TMEM9: variants seen among roughly 807,000 people sequenced by gnomAD.
TMEM9 encodes transmembrane protein 9.
In TMEM9, 13 loss-of-function variants were observed where a neutral mutation model predicts 22.8. The observed-to-expected ratio is 0.57, with a 90% confidence interval of 0.37 to 0.91. TMEM9 has a LOEUF of 0.91. Ranked by LOEUF, TMEM9 falls within the 40% of genes least tolerant of loss-of-function variation. The pLI, the probability that TMEM9 is intolerant of heterozygous loss-of-function variation, is 0.01. For synonymous variants in TMEM9, 88 were observed against 93.0 expected (o/e 0.95, Z 0.31); for missense variants, 182 against 238.1 (o/e 0.76, Z 1.55).
At chr1:201,165,446 T>TC (rs138133841) in intron 1 of TMEM9, among the ~76,000 whole-genome samples, 1 of 149,110 alleles carries the variant, frequency 6.7e-6, no homozygotes. Flanking sequence ...TTTCTTTCTT[T>TC]TTTTTTTTTG....
intron 1 of TMEM9, 108 bp downstream of exon 1, chr1:201,153,746 GGTGA>G: frequency 6.4e-7 from 1 of 1,565,886 alleles, no homozygotes; most frequent in Non-Finnish European, 8.7e-7. Context: ...ATGGCCCATA[GGTGA>G]GTGAGAGGCA....
At position 201,167,653 on chromosome 1, in the gene TMEM9, AG is replaced by A. The variant is rs1173394158; in HGVS notation, c.-37+3836del. ...TGGTGGTCTCTCATTAGCTTTGCAA[AG>A]GTGGTTGAGTTTGGGGGATAGGCTA... is the stretch of plus-strand genomic sequence containing the variant. On this transcript the variant is annotated intron_variant, in intron 1 of 5. Transcript: ENST00000367333. Among the ~76,000 whole-genome samples the A allele has an allele frequency of 6.6e-5, 10 of 152,282 alleles. No homozygotes were observed. The East Asian group carries it at 1.9e-3, about 29-fold the overall frequency.
intron 2 of TMEM9, among the ~76,000 whole-genome samples, chr1:201,149,813 C>T (rs1353963397): frequency 6.6e-6 from 1 of 152,180 alleles, no homozygotes. Flanking sequence ...AGATCAATGT[C>T]AAGGCCCCAC....
intron 4 of TMEM9, among the ~76,000 whole-genome samples, chr1:201,137,424 T>C (rs1034273159): frequency 6.6e-6 from 1 of 151,808 alleles, no homozygotes; most frequent in Non-Finnish European, 1.5e-5. Flanking sequence ...TCATTGAGAC[T>C]TTTTTCTGCT....
chr1:201,146,894 T>G (rs370098062), intron 2 of TMEM9, 46 bp from the exon 3 acceptor site: 3 of 1,571,916 alleles, frequency 1.9e-6, no homozygotes. Context: ...CCACCACGTC[T>G]TAGAGCCTCA....
In TMEM9 at chr1:201,135,054, G is replaced by A. The variant is rs1258654727; in HGVS notation, c.*609C>T. Reference sequence around the variant, plus strand: ...AGCAGAGTATGCATGGGCACTCCATGCCCCAGTGCGAGAAGTGCACAGGGG... The same window carrying A: ...AGCAGAGTATGCATGGGCACTCCATACCCCAGTGCGAGAAGTGCACAGGGG... On this transcript the variant is annotated 3_prime_UTR_variant, in exon 5 of 5. Coordinates refer to ENST00000367330, the MANE Select transcript of TMEM9 (RefSeq NM_001288565.2). The A allele has an allele frequency of 1.3e-5, 2 of 152,754 alleles. No homozygotes were observed. The highest frequency in any genetic ancestry group is 4.8e-5 in the African/African-American group (2 of 41,466). The allele number at this position is 152,754 out of a possible 1,614,324, so 9.5% of individuals were successfully genotyped here.
intron 1 of TMEM9, among the ~76,000 whole-genome samples, chr1:201,166,961 C>T (rs1312726459): frequency 6.6e-6 from 1 of 152,200 alleles, no homozygotes. Context: ...GAGCACTAAA[C>T]AAGATCACTA....
rs1434754883 is a variant in TMEM9 at position 201,154,385 on chromosome 1, A to C, written c.-462T>G. The C allele has an allele frequency of 6.1e-6, 1 of 162,878 alleles. No homozygotes were observed. Among genetic ancestry groups the C allele is most frequent in the African/African-American group, 2.4e-5 (1 of 41,526 alleles). The allele number at this position is 162,878 out of a possible 1,614,324, so 10.1% of individuals were successfully genotyped here. ...ACCACGCCCAGAGGTCTTAAGCCGG[A>C]CTGGGACCCCCAATAGCCCCGCGAC... is the stretch of plus-strand genomic sequence containing the variant. On this transcript the variant is annotated 5_prime_UTR_variant, in exon 1 of 5. Transcript: ENST00000367330.
chr1:201,151,468 C>G (rs1163561911), intron 2 of TMEM9, among the ~76,000 whole-genome samples: 2 of 152,184 alleles, frequency 1.3e-5, no homozygotes, highest in African/African-American at 2.4e-5. Flanking sequence ...CTACCTTTGC[C>G]AACTTCTCTA....
intron 2 of TMEM9, among the ~76,000 whole-genome samples, chr1:201,150,882 G>A (rs1047960870): frequency 4.6e-5 from 7 of 152,188 alleles, no homozygotes; most frequent in Non-Finnish European, 8.8e-5. Context: ...CTCATCTGAT[G>A]TTGATCTCTT....
At chr1:201,167,927 T>G (rs1666117794) in intron 1 of TMEM9, among the ~76,000 whole-genome samples, 1 of 152,214 alleles carries the variant, frequency 6.6e-6, no homozygotes, top group Non-Finnish European at 1.5e-5. Flanking sequence ...AGTTACTACC[T>G]TCACTGTGAA....
At chr1:201,161,406 G>T (rs1459170253) in intron 1 of TMEM9, among the ~76,000 whole-genome samples, 2 of 152,318 alleles carry the variant, frequency 1.3e-5, no homozygotes, top group Non-Finnish European at 2.9e-5. Flanking sequence ...TGGTTTAGAA[G>T]GCCCTAAGTT....
intron 1 of TMEM9, among the ~76,000 whole-genome samples, chr1:201,164,684 C>T (rs1666031222): frequency 6.6e-6 from 1 of 152,210 alleles, no homozygotes; most frequent in South Asian, 2.1e-4. Context: ...GGCTCTATCA[C>T]TGTCTCCATT....
chr1:201,166,525 G>T (rs528717462), intron 1 of TMEM9, among the ~76,000 whole-genome samples: 1 of 151,944 alleles, frequency 6.6e-6, no homozygotes, highest in Non-Finnish European at 1.5e-5. Context: ...ACCATGCCCG[G>T]CTAATTTTTG....
At chr1:201,164,499 AGCCATATAAAATT>A (rs1666027206) in intron 1 of TMEM9, among the ~76,000 whole-genome samples, 2 of 152,222 alleles carry the variant, frequency 1.3e-5, no homozygotes, top group Non-Finnish European at 2.9e-5. Context: ...TATTAAGCTG[AGCCATATAAAATT>A]GCCAGTATTT....
intron 1 of TMEM9, among the ~76,000 whole-genome samples, chr1:201,162,718 A>G (rs910990179): frequency 1.3e-5 from 2 of 152,206 alleles, no homozygotes; most frequent in Non-Finnish European, 2.9e-5. Flanking sequence ...AATCCACAAA[A>G]GAAAACAAAT....
At chr1:201,167,128 G>T (rs866783111) in intron 1 of TMEM9, among the ~76,000 whole-genome samples, 13 of 152,356 alleles carry the variant, frequency 8.5e-5, no homozygotes, top group Middle Eastern at 3.4e-3. Context: ...AGGGTTCAAT[G>T]AATTGTTACT....
At chr1:201,148,913 C>T (rs537844365) in intron 2 of TMEM9, among the ~76,000 whole-genome samples, 1 of 152,352 alleles carries the variant, frequency 6.6e-6, no homozygotes, top group South Asian at 2.1e-4. Flanking sequence ...AAAAGGGTCA[C>T]CCAGGGCACT....
At chr1:201,142,495 G>A (rs1226861447) in intron 4 of TMEM9, among the ~76,000 whole-genome samples, 2 of 152,196 alleles carry the variant, frequency 1.3e-5, no homozygotes, top group Admixed American at 1.3e-4. Context: ...TCTGTCCCTG[G>A]ATGAAGCCAA....
Sources: allele counts gnomAD v4.1 joint callset (sites outside exome capture counted in the v4.1 genomes callset), GRCh38; gene constraint gnomAD v4.1.1; transcripts MANE v1.5; gene names NCBI Gene and HGNC (gene_info 2026-07-23, HGNC 2026-07-21).